The following DNM3 variants were observed in gnomAD, a reference collection of about 807,000 sequenced individuals.
The protein encoded by DNM3 is dynamin-3.
Under a neutral mutation model 101.6 loss-of-function variants are expected in DNM3, and 47 were observed. The ratio of observed to expected loss-of-function variants is 0.46; its 90% confidence interval spans 0.37 to 0.59. The LOEUF (loss-of-function observed/expected upper bound fraction) is 0.59. Among genes scored for constraint, DNM3 ranks in the 20% least tolerant of loss-of-function variants. The probability of loss-of-function intolerance (pLI) is 0.00; values close to 1 mark genes in which losing one functional copy is unlikely to be tolerated. For synonymous variants in DNM3, 385 were observed against 387.9 expected (o/e 0.99, Z 0.09); for missense variants, 849 against 1,085.7 (o/e 0.78, Z 3.06).
chr1:172,279,992 A>G (rs2063428269), intron 15 of DNM3, among the ~76,000 whole-genome samples: 1 of 152,102 alleles, frequency 6.6e-6, no homozygotes, highest in Non-Finnish European at 1.5e-5. Context: ...ATGGCCTATG[A>G]GCCCCTCCAT....
chr1:172,040,478 G>GTT (rs558341428), intron 7 of DNM3, among the ~76,000 whole-genome samples: 1 of 145,612 alleles, frequency 6.9e-6, no homozygotes, highest in African/African-American at 2.5e-5. Flanking sequence ...AAAATAGTTG[G>GTT]TTTTTTTTTT....
intron 4 of DNM3, among the ~76,000 whole-genome samples, chr1:172,031,178 A>G (rs1007023822): frequency 1.3e-5 from 2 of 152,154 alleles, no homozygotes; most frequent in Non-Finnish European, 2.9e-5. Flanking sequence ...ATAGACTGCT[A>G]AAGAAAATAT....
At chr1:172,337,932 T>C (rs2066520036) in intron 17 of DNM3, among the ~76,000 whole-genome samples, 1 of 149,566 alleles carries the variant, frequency 6.7e-6, no homozygotes, top group Admixed American at 6.7e-5. Flanking sequence ...TTTTATTATT[T>C]TGAGACAGAG....
At chr1:172,040,683 C>T (rs375835805) in intron 7 of DNM3, among the ~76,000 whole-genome samples, 6 of 152,142 alleles carry the variant, frequency 3.9e-5, no homozygotes, top group Non-Finnish European at 7.4e-5. Flanking sequence ...GCAGGAAACA[C>T]GCTGAAGATG....
At chr1:172,058,436 T>G (rs1444642032) in intron 10 of DNM3, among the ~76,000 whole-genome samples, 4 of 150,704 alleles carry the variant, frequency 2.7e-5, no homozygotes, top group Non-Finnish European at 5.9e-5. Flanking sequence ...ATTGACCACA[T>G]AGTTGGAAGT....
At chr1:172,054,635 G>GA (rs113763930) in intron 10 of DNM3, among the ~76,000 whole-genome samples, 35 of 151,844 alleles carry the variant, frequency 2.3e-4, no homozygotes, top group African/African-American at 8.0e-4. Context: ...TTTGCAAGGA[G>GA]AAAAAAAATA....
intron 4 of DNM3, among the ~76,000 whole-genome samples, chr1:172,024,023 G>A (rs979976979): frequency 1.3e-5 from 2 of 151,828 alleles, no homozygotes; most frequent in Admixed American, 6.6e-5. Context: ...TTCCATGAAT[G>A]CAATAAGTTC....
chr1:171,872,621 C>T (rs2035397755), intron 1 of DNM3, among the ~76,000 whole-genome samples: 1 of 152,176 alleles, frequency 6.6e-6, no homozygotes, highest in South Asian at 2.1e-4. Flanking sequence ...CCGCTAGTCT[C>T]TCGGCATGCT....
At chr1:172,191,154 A>G (rs1414103151) in intron 14 of DNM3, among the ~76,000 whole-genome samples, 2 of 152,110 alleles carry the variant, frequency 1.3e-5, no homozygotes, top group African/African-American at 4.8e-5. Context: ...TTTTAGTTCT[A>G]ACATTTAAGT....
At chr1:172,258,120 C>CT (rs1374539470) in intron 15 of DNM3, among the ~76,000 whole-genome samples, 14 of 151,978 alleles carry the variant, frequency 9.2e-5, no homozygotes, top group Non-Finnish European at 2.1e-4. Context: ...TGATTTTATT[C>CT]TTTTTTTATG....
intron 1 of DNM3, among the ~76,000 whole-genome samples, chr1:171,895,790 T>TAATC (rs2037735360): frequency 6.6e-6 from 1 of 152,206 alleles, no homozygotes; most frequent in African/African-American, 2.4e-5. Flanking sequence ...TTTAAGTCTT[T>TAATC]AATCCATCTT....
chr1:171,872,857 A>G (rs910804412), intron 1 of DNM3, among the ~76,000 whole-genome samples: 1 of 152,140 alleles, frequency 6.6e-6, no homozygotes, highest in Non-Finnish European at 1.5e-5. Context: ...GAAGAGCAAG[A>G]TAACAGGTGA....
chr1:172,385,308 T>C (rs2069123071), intron 18 of DNM3, among the ~76,000 whole-genome samples: 1 of 152,236 alleles, frequency 6.6e-6, no homozygotes, highest in Non-Finnish European at 1.5e-5. Context: ...TTCCTAAAAC[T>C]CTCTTTTATT....
At chr1:171,963,636 A>T (rs2043363132) in intron 2 of DNM3, among the ~76,000 whole-genome samples, 1 of 151,984 alleles carries the variant, frequency 6.6e-6, no homozygotes. Flanking sequence ...ATATATGGGA[A>T]CTCTGTACTT....
At chr1:172,263,669 A>G (rs1009553821) in intron 15 of DNM3, among the ~76,000 whole-genome samples, 4 of 152,198 alleles carry the variant, frequency 2.6e-5, no homozygotes, top group African/African-American at 7.2e-5. Context: ...CTTATTCACT[A>G]TCATGAGAAC....
At chr1:171,980,950 T>C (rs1341893321) in intron 2 of DNM3, among the ~76,000 whole-genome samples, 2 of 151,946 alleles carry the variant, frequency 1.3e-5, no homozygotes, top group Non-Finnish European at 2.9e-5. Context: ...TTTGTATTTT[T>C]CATAGAGACA....
At chr1:172,119,537 AT>A (rs1183706205) in intron 13 of DNM3, among the ~76,000 whole-genome samples, 1 of 151,898 alleles carries the variant, frequency 6.6e-6, no homozygotes, top group Non-Finnish European at 1.5e-5. Context: ...CCTCCCAGAC[AT>A]TGCACGTTGG....
intron 4 of DNM3, among the ~76,000 whole-genome samples, chr1:172,016,621 G>A (rs187777790): frequency 1.1e-3 from 164 of 152,270 alleles, no homozygotes; most frequent in African/African-American, 3.2e-3. Flanking sequence ...TATAGAAAGA[G>A]TTAGTATTTC....
chr1:172,410,827 T>G lies in DNM3; in HGVS notation c.*2986T>G. On this transcript the variant is annotated 3_prime_UTR_variant, in exon 21 of 21. Coordinates refer to ENST00000627582, the MANE Select transcript of DNM3 (RefSeq NM_015569.5). ...CTTAAAAAGTGGTCACATAGATTAA[T>G]TTTGTGACTTTTTAGTATAGACTGT... The G allele has an allele frequency of 1.0e-6, 1 of 985,312 alleles. No individual in the cohort carries two copies. Among genetic ancestry groups the G allele is most frequent in the Non-Finnish European group, 1.2e-6 (1 of 829,816 alleles). The allele number at this position is 985,312 out of a possible 1,614,324, so 61.0% of individuals were successfully genotyped here. A position where few individuals can be genotyped will look rare whatever the true frequency, so the allele number is the denominator to read the frequency against.
Sources: gnomAD v4.1 joint callset for allele counts (sites outside exome capture counted in the v4.1 genomes callset) on GRCh38, gnomAD v4.1.1 for gene constraint, MANE v1.5 for transcripts, NCBI Gene and HGNC (gene_info 2026-07-23, HGNC 2026-07-21) for gene names.